Variants in PDPR observed in about 807,000 individuals in gnomAD.
PDPR encodes pyruvate dehydrogenase phosphatase regulatory subunit.
In PDPR, 50 loss-of-function variants were observed where a neutral mutation model predicts 102.2. The ratio of observed to expected loss-of-function variants is 0.49; its 90% CI spans 0.39 to 0.62. The LOEUF is 0.62. Ranked by LOEUF, PDPR falls within the 20% of genes least tolerant of loss-of-function variation. PDPR has a pLI of 0.00. For synonymous variants in PDPR, 259 were observed against 406.0 expected (o/e 0.64, Z 4.35); for missense variants, 625 against 1,098.2 (o/e 0.57, Z 6.09).
At chr16:70,141,395 C>G (rs1489802728) in intron 11 of PDPR, among the ~76,000 whole-genome samples, 1 of 152,256 alleles carries the variant, frequency 6.6e-6, no homozygotes, top group African/African-American at 2.4e-5. Context: ...TGAATAATGT[C>G]ATTGGTACAA....
At chr16:70,117,504 C>G (rs570969973) in intron 2 of PDPR, among the ~76,000 whole-genome samples, 1 of 151,258 alleles carries the variant, frequency 6.6e-6, no homozygotes, top group Non-Finnish European at 1.5e-5. Context: ...GGCGACAGAG[C>G]GAGACTCCAT....
At chr16:70,131,541 T>C (rs1964538492) in intron 8 of PDPR, 122 bp downstream of exon 8, 5 of 1,118,932 alleles carry the variant, frequency 4.5e-6, no homozygotes, top group Non-Finnish European at 6.3e-6. Flanking sequence ...TAGAGCATGT[T>C]ACAGGGAGGT....
chr16:70,161,588 GCCA>G lies in PDPR; in HGVS notation c.*4714_*4716del, dbSNP rs1220235442. ...TCTCTCCGTCAGCGCCTCCCTCCCC[GCCA>G]CCACTTCAGGCCAACAATTTAAGGT... On this transcript the variant is annotated 3_prime_UTR_variant, in exon 19 of 19. Coordinates refer to ENST00000288050, the MANE Select transcript of PDPR (RefSeq NM_017990.5). 2 of 153,084 alleles carry G rather than the reference GCCA, an allele frequency of 1.3e-5. No individual in the cohort carries two copies. The highest frequency in any genetic ancestry group is 2.9e-5 in the Non-Finnish European group (2 of 68,694). The allele number at this position is 153,084 out of a possible 1,614,324, so 9.5% of individuals were successfully genotyped here.
rs374278279 is a variant in PDPR at position 70,136,329 on chromosome 16, A to C, written c.1133A>C (p.Tyr378Ser). The C allele has an allele frequency of 6.2e-7, 1 of 1,613,386 alleles. No individual in the cohort carries two copies. Among genetic ancestry groups the C allele is most frequent in the African/African-American group, 1.3e-5 (1 of 74,932 alleles). Reference protein sequence around the residue: ...IMGESPAVQGYFVLAGMNSAG... With the variant: ...IMGESPAVQGSFVLAGMNSAG... ...GGCGAGTCTCCTGCAGTGCAGGGCTACTTTGTCCTGGCAGGAATGAACTCT... is the reference window on the plus strand; with the variant it reads ...GGCGAGTCTCCTGCAGTGCAGGGCTCCTTTGTCCTGGCAGGAATGAACTCT... The change falls in exon 10 of 19, where the codon TAC (tyrosine) becomes TCC (serine). Residue 378 changes from tyrosine to serine, a missense_variant. Physicochemically the swap from Tyr to Ser is moderately radical, Grantham distance 144. This residue lies in a region of PDPR where 50 missense variants were observed against 79.9 expected (regional missense o/e 0.63). Transcript: ENST00000288050.
In PDPR at chr16:70,138,928, A is replaced by G; in HGVS notation, c.1220A>G (p.Tyr407Cys). 1 of 1,613,226 alleles carries G rather than the reference A, an allele frequency of 6.2e-7. No homozygotes were observed. Among genetic ancestry groups the G allele is most frequent in the Non-Finnish European group, 8.5e-7 (1 of 1,179,444 alleles). ...KYLAEWMVHG[Y>C]PSENVWELDL... ...CTTGCCGAATGGATGGTACATGGTT[A>G]TCCCTCAGAAAACGTTTGGGAATTG... The change falls in exon 11 of 19, where the codon TAT becomes TGT. Residue 407 changes from tyrosine (Y) to cysteine (C), a missense_variant. By Grantham distance (194) the Tyr-to-Cys change is radical. Transcript: ENST00000288050.
Position 70,161,742 on chromosome 16 carries a change from CAT to C in PDPR, c.*4864_*4865del, listed in dbSNP as rs1208579453. ...CTTTGCCTTCCCTTTGTCCATGAAA[CAT>C]GAAGAGTTGTTTATGGTTCTTGACT... On this transcript the variant is annotated 3_prime_UTR_variant, in exon 19 of 19. Coordinates refer to ENST00000288050, the MANE Select transcript of PDPR (RefSeq NM_017990.5). 6.6e-6 allele frequency: 1 copy of C among 152,584 alleles called. No individual in the cohort carries two copies. The highest frequency in any genetic ancestry group is 1.5e-5 in the Non-Finnish European group (1 of 68,234). The allele number at this position is 152,584 out of a possible 1,614,324, so 9.5% of individuals were successfully genotyped here. A position where few individuals can be genotyped will look rare whatever the true frequency, so the allele number is the denominator to read the frequency against.
At chr16:70,137,227 G>C (rs1323376314) in intron 10 of PDPR, among the ~76,000 whole-genome samples, 5 of 152,144 alleles carry the variant, frequency 3.3e-5, no homozygotes, top group African/African-American at 1.2e-4. Context: ...GTTGTGGCGG[G>C]TGCTTGTGGT....
intron 3 of PDPR, 139 bp downstream of exon 3, chr16:70,120,858 C>T: frequency 1.6e-6 from 1 of 623,900 alleles, no homozygotes; most frequent in Non-Finnish European, 2.9e-6. Context: ...GTGGAATCTC[C>T]TGAATTTTGT....
At chr16:70,129,569 G>C (rs1283926619) in intron 6 of PDPR, among the ~76,000 whole-genome samples, 1 of 152,272 alleles carries the variant, frequency 6.6e-6, no homozygotes, top group Non-Finnish European at 1.5e-5. Context: ...GGCTGGTCTT[G>C]AACTCCTGAC....
rs1191717182 is a variant in PDPR, at chr16:70,114,889, G to C, written c.-74G>C. On this transcript the variant is annotated 5_prime_UTR_variant, in exon 2 of 19. Transcript: ENST00000288050. ...TTTTAGAACTAAAGACTGCTGCAGA[G>C]TCCGGAGGAAGAAGTCACCTAGAAA... The C allele has an allele frequency of 6.6e-6, 1 of 152,312 alleles. No homozygotes were observed. Among genetic ancestry groups the C allele is most frequent in the African/African-American group, 2.4e-5 (1 of 41,478 alleles). The allele number at this position is 152,312 out of a possible 1,614,324, so 9.4% of individuals were successfully genotyped here.
In PDPR at chr16:70,153,528, C is replaced by T; in HGVS notation, c.2190C>T (p.Thr730=). 2 of 1,611,672 alleles carry T rather than the reference C, an allele frequency of 1.2e-6. No individual in the cohort carries two copies. Among genetic ancestry groups the T allele is most frequent in the Non-Finnish European group, 1.7e-6 (2 of 1,179,080 alleles). Residue 730 remains threonine (T), a synonymous_variant, in exon 18 of 19, where the codon ACC becomes ACT. Transcript: ENST00000288050. ...AFWGQDINNL[T]TPLECGRESR... is the part of the protein sequence containing the mutation. The stretch of plus-strand genomic sequence containing the variant: ...GGGGTCAGGATATAAATAACCTCAC[C>T]ACGCCCCTGGAATGTGGACGAGAGT...
chr16:70,152,316 C>G (rs1444806739), intron 17 of PDPR, among the ~76,000 whole-genome samples: 1 of 152,266 alleles, frequency 6.6e-6, no homozygotes, highest in Non-Finnish European at 1.5e-5. Context: ...GTCAGGAGTT[C>G]GAGAGCAGCC....
intron 2 of PDPR, among the ~76,000 whole-genome samples, chr16:70,116,846 G>C (rs1962695831): frequency 7.3e-6 from 1 of 137,228 alleles, no homozygotes; most frequent in Non-Finnish European, 1.6e-5. Flanking sequence ...CCGGCCTAAA[G>C]TTTTTTTTTT....
chr16:70,159,994 TTC>T lies in PDPR; in HGVS notation c.*3121_*3122del, dbSNP rs1967628827. On this transcript the variant is annotated 3_prime_UTR_variant, in exon 19 of 19. Coordinates refer to ENST00000288050, the MANE Select transcript of PDPR (RefSeq NM_017990.5). ...TGGCTTTACAGAGTTGGGTGCTTTT[TTC>T]TCTCTGCAATTACCTGTCATAGCAT... is the stretch of plus-strand genomic sequence containing the variant. 1 of 153,126 alleles carries T rather than the reference TTC, an allele frequency of 6.5e-6. No homozygotes were observed. Among genetic ancestry groups the T allele is most frequent in the Non-Finnish European group, 1.5e-5 (1 of 68,710 alleles). The allele number at this position is 153,126 out of a possible 1,614,324, so 9.5% of individuals were successfully genotyped here.
At chr16:70,145,609 C>T (rs1371036836) in intron 15 of PDPR, 7 of 383,556 alleles carry the variant, frequency 1.8e-5, no homozygotes, top group Middle Eastern at 7.4e-4. Flanking sequence ...ATATGATATA[C>T]GTCCTGCTCC....
intron 17 of PDPR, among the ~76,000 whole-genome samples, chr16:70,152,036 C>T (rs1340084215): frequency 6.6e-6 from 1 of 152,282 alleles, no homozygotes; most frequent in Non-Finnish European, 1.5e-5. Context: ...ATCCTCTTAC[C>T]TAAAGGACCG....
At chr16:70,132,841 C>T (rs1171892469) in intron 9 of PDPR, among the ~76,000 whole-genome samples, 2 of 152,256 alleles carry the variant, frequency 1.3e-5, no homozygotes, top group African/African-American at 2.4e-5. Context: ...GAGATGGCGT[C>T]TTGCCCTGTC....
At chr16:70,151,810 G>A (rs1168044027) in intron 17 of PDPR, among the ~76,000 whole-genome samples, 2 of 152,206 alleles carry the variant, frequency 1.3e-5, no homozygotes, top group Non-Finnish European at 2.9e-5. Context: ...TTGTCTCTCT[G>A]AGAAGAGGTC....
intron 2 of PDPR, among the ~76,000 whole-genome samples, chr16:70,115,646 G>A (rs1962564280): frequency 2.0e-5 from 3 of 152,180 alleles, no homozygotes; most frequent in South Asian, 4.1e-4. Flanking sequence ...TGTGCGCAAC[G>A]CTGCAGCCAT....
Sources: gnomAD v4.1 joint callset for allele counts (sites outside exome capture counted in the v4.1 genomes callset) on GRCh38, gnomAD v4.1.1 for gene constraint, gnomAD v4.1.1 regional missense constraint, MANE v1.5 for transcripts, NCBI Gene and HGNC (gene_info 2026-07-23, HGNC 2026-07-21) for gene names.